CAMTA1: variants seen among roughly 807,000 people sequenced by gnomAD.
CAMTA1 encodes the protein calmodulin binding transcription activator 1.
Under a neutral mutation model 170.9 loss-of-function variants are expected in CAMTA1, and 27 were observed. The observed-to-expected ratio is 0.16, with a 90% CI of 0.12 to 0.22. The LOEUF is 0.22. CAMTA1 is among the 10% of genes least tolerant of loss of function. The probability of loss-of-function intolerance (pLI) is 1.00; values close to 1 mark genes in which losing one functional copy is unlikely to be tolerated. For missense variants in CAMTA1, 1,619 were observed against 2,217.2 expected (o/e 0.73, Z 5.42); for synonymous variants, 833 against 891.5 (o/e 0.93, Z 1.17).
chr1:7,001,900 T>C (rs79905562), intron 3 of CAMTA1, among the ~76,000 whole-genome samples: 2,074 of 58,190 alleles, frequency 0.036, 51 homozygotes, highest in African/African-American at 0.18. Flanking sequence ...TCTTCTTCTT[T>C]TTTTTTTTTT....
chr1:7,663,040 G>C (rs2095974318), intron 8 of CAMTA1, among the ~76,000 whole-genome samples: 1 of 152,294 alleles, frequency 6.6e-6, no homozygotes, highest in South Asian at 2.1e-4. Context: ...CCTGGGTGTT[G>C]ACATTCTCTC....
intron 5 of CAMTA1, among the ~76,000 whole-genome samples, chr1:7,271,717 TAGAC>T (rs1226706385): frequency 6.6e-6 from 1 of 151,752 alleles, no homozygotes; most frequent in South Asian, 2.1e-4. Flanking sequence ...GATCAATAGA[TAGAC>T]AGATAGATGG....
intron 4 of CAMTA1, among the ~76,000 whole-genome samples, chr1:7,223,752 T>C (rs1372690824): frequency 1.3e-5 from 2 of 152,230 alleles, no homozygotes; most frequent in Admixed American, 1.3e-4. Context: ...CTTCCCAGCA[T>C]GTGTTAAATC....
chr1:7,202,388 G>A (rs1436141800), intron 4 of CAMTA1, among the ~76,000 whole-genome samples: 2 of 152,092 alleles, frequency 1.3e-5, no homozygotes, highest in Non-Finnish European at 2.9e-5. Context: ...AGTTTCATAT[G>A]AATTTTAGAA....
intron 5 of CAMTA1, among the ~76,000 whole-genome samples, chr1:7,280,846 A>T (rs780642142): frequency 2.5e-4 from 38 of 152,246 alleles, no homozygotes; most frequent in South Asian, 1.0e-3. Flanking sequence ...TTGATAGGAC[A>T]ATGGCGTGGT....
At position 7,608,493 on chromosome 1, in the gene CAMTA1, A is replaced by G. The variant is rs185005239; in HGVS notation, c.511-31907A>G. Among the ~76,000 whole-genome samples the G allele has an allele frequency of 3.3e-3, 501 of 152,328 alleles. 5 individuals carry two copies. Among genetic ancestry groups the G allele is most frequent in the Non-Finnish European group, 3.0e-3 (205 of 68,036 alleles). ...AAAGGAGACAAAAAAGGCCTGAGAAAGAAGCTGGGGCCCAGGACTGCATAA... is the reference window on the plus strand; with the variant it reads ...AAAGGAGACAAAAAAGGCCTGAGAAGGAAGCTGGGGCCCAGGACTGCATAA... On this transcript the variant is annotated intron_variant, in intron 6 of 22. Transcript: ENST00000303635.
intron 22 of CAMTA1, 93 bp from the exon 23 acceptor site, chr1:7,766,366 C>A: frequency 8.6e-7 from 1 of 1,157,200 alleles, no homozygotes; most frequent in South Asian, 1.4e-5. Context: ...CTTGGCTTTT[C>A]AGTTCAGAGG....
intron 4 of CAMTA1, among the ~76,000 whole-genome samples, chr1:7,199,176 A>C (rs1656161718): frequency 6.6e-6 from 1 of 152,108 alleles, no homozygotes; most frequent in Non-Finnish European, 1.5e-5. Flanking sequence ...ACTCCTGTTC[A>C]GAGGACAGGC....
At chr1:7,321,140 G>C (rs1156997933) in intron 5 of CAMTA1, among the ~76,000 whole-genome samples, 1 of 152,192 alleles carries the variant, frequency 6.6e-6, no homozygotes, top group East Asian at 1.9e-4. Context: ...ACAAGTTGCA[G>C]GTCTAAAAAC....
At chr1:6,899,070 G>A (rs960636542) in intron 3 of CAMTA1, among the ~76,000 whole-genome samples, 1 of 152,090 alleles carries the variant, frequency 6.6e-6, no homozygotes, top group African/African-American at 2.4e-5. Context: ...GCTTCTTCAG[G>A]GTGGGGAGGG....
intron 4 of CAMTA1, among the ~76,000 whole-genome samples, chr1:7,148,056 T>G (rs953136727): frequency 7.2e-6 from 1 of 139,730 alleles, no homozygotes; most frequent in African/African-American, 2.7e-5. Flanking sequence ...CATGCACGTA[T>G]GCACACAAAC....
intron 6 of CAMTA1, among the ~76,000 whole-genome samples, chr1:7,493,903 G>A (rs976695918): frequency 2.6e-5 from 4 of 152,128 alleles, no homozygotes; most frequent in African/African-American, 9.7e-5. Flanking sequence ...GTGCTGGATG[G>A]CCCCATGGGG....
chr1:7,659,025 G>A (rs529048078), intron 7 of CAMTA1, among the ~76,000 whole-genome samples: 15 of 152,276 alleles, frequency 9.9e-5, no homozygotes, highest in African/African-American at 3.6e-4. Flanking sequence ...ATCCCCCTTA[G>A]TGACCCACCA....
intron 11 of CAMTA1, among the ~76,000 whole-genome samples, chr1:7,704,809 C>CGGGCGGGGCCGGGCG (rs1553255871): frequency 3.4e-5 from 5 of 145,226 alleles, no homozygotes; most frequent in African/African-American, 1.2e-4. Context: ...TGGGCCGGGC[C>CGGGCGGGGCCGGGCG]GGGCGGGGCC....
At chr1:7,689,122 T>G (rs147664543) in intron 11 of CAMTA1, among the ~76,000 whole-genome samples, 2,064 of 151,524 alleles carry the variant, frequency 0.014, 41 homozygotes, top group African/African-American at 0.047. Context: ...AGTAGCCAGG[T>G]GTGGTGGCAC....
At chr1:7,548,963 GAT>G (rs2094755674) in intron 6 of CAMTA1, among the ~76,000 whole-genome samples, 2 of 140,318 alleles carry the variant, frequency 1.4e-5, no homozygotes, top group African/African-American at 2.6e-5. Flanking sequence ...TAGGGGTGGA[GAT>G]GCCCATGGAA....
rs1272887473 is a variant in CAMTA1, at chr1:7,609,434, A to T, written c.511-30966A>T. Reference sequence around the variant, plus strand: ...GCTCTGCTCAACTTTGGGTGTTAACAGCAAATCAAAGCCCCTCAGTGAGGG... The same window carrying T: ...GCTCTGCTCAACTTTGGGTGTTAACTGCAAATCAAAGCCCCTCAGTGAGGG... On this transcript the variant is annotated intron_variant, in intron 6 of 22. Transcript: ENST00000303635. The surrounding 1 kb of genome is among the most constrained non-coding windows in gnomAD (Gnocchi z 4.4). Among the ~76,000 whole-genome samples, 3 of 152,098 alleles carry T rather than the reference A, an allele frequency of 2.0e-5. No homozygotes were observed. The highest frequency in any genetic ancestry group is 4.8e-5 in the African/African-American group (2 of 41,432).
At chr1:7,598,242 G>A (rs56323672) in intron 6 of CAMTA1, among the ~76,000 whole-genome samples, 21,063 of 152,036 alleles carry the variant, frequency 0.14, 1,577 homozygotes, top group African/African-American at 0.16. Context: ...AGCTTCATCC[G>A]TGTTCCTACA....
At chr1:7,523,722 C>A (rs1221410544) in intron 6 of CAMTA1, among the ~76,000 whole-genome samples, 2 of 146,736 alleles carry the variant, frequency 1.4e-5, no homozygotes, top group African/African-American at 2.5e-5. Flanking sequence ...ACTAAATATA[C>A]AAAAAAAAAA....
Sources: gnomAD v4.1 joint callset for allele counts (sites outside exome capture counted in the v4.1 genomes callset) on GRCh38, gnomAD v4.1.1 for gene constraint, Gnocchi (gnomAD v3.1) non-coding constraint, MANE v1.5 for transcripts, NCBI Gene and HGNC (gene_info 2026-07-23, HGNC 2026-07-21) for gene names.